STXBP4: variants seen among roughly 807,000 people sequenced by gnomAD.
STXBP4 encodes the protein syntaxin binding protein 4.
Under a neutral mutation model 76.1 loss-of-function variants are expected in STXBP4, and 55 were observed. That is an observed-to-expected ratio of 0.72 (90% CI 0.58 to 0.91). STXBP4 has a LOEUF of 0.91. Among genes scored for constraint, STXBP4 ranks in the 40% least tolerant of loss-of-function variants. The probability of loss-of-function intolerance (pLI) is 0.00; values close to 1 mark genes in which losing one functional copy is unlikely to be tolerated. For synonymous variants in STXBP4, 201 were observed against 220.2 expected, an observed-to-expected ratio of 0.91 and a Z score of 0.77; for missense variants, 618 against 636.9, an observed-to-expected ratio of 0.97 and a Z score of 0.32.
At chr17:55,091,965 A>G (rs1188336604) in intron 16 of STXBP4, among the ~76,000 whole-genome samples, 4 of 152,230 alleles carry the variant, frequency 2.6e-5, no homozygotes, top group Non-Finnish European at 5.9e-5. Flanking sequence ...AAAATCCAAA[A>G]TACTTCTGGT....
chr17:55,081,275 C>A, intron 16 of STXBP4, 92 bp downstream of exon 16: 2 of 1,043,054 alleles, frequency 1.9e-6, no homozygotes, highest in Non-Finnish European at 2.5e-6. Context: ...TAGTGGCTTG[C>A]CTACAGCAAA....
chr17:55,076,915 T>C (rs2079190434), intron 13 of STXBP4, among the ~76,000 whole-genome samples: 1 of 152,182 alleles, frequency 6.6e-6, no homozygotes, highest in African/African-American at 2.4e-5. Flanking sequence ...TATAATTGTA[T>C]CTAACTGGAT....
chr17:55,193,381 T>C, the STXBP4 span, among the ~76,000 whole-genome samples: 1 of 152,098 alleles, frequency 6.6e-6, no homozygotes, highest in Non-Finnish European at 1.5e-5. Context: ...GCAAAAAAGT[T>C]TGGGTGGTAG....
In STXBP4 at chr17:55,161,858, C is replaced by CT. The variant is rs2080339861; in HGVS notation, c.*1948dup. ...GTTTTAGAGAGTTAGTAATCTTTGCCTAAGGGTCACAAAGCACCTATGTGT... is the reference window on the plus strand; with the variant it reads ...GTTTTAGAGAGTTAGTAATCTTTGCCTTAAGGGTCACAAAGCACCTATGTGT... On this transcript the variant is annotated 3_prime_UTR_variant, in exon 18 of 18. Coordinates refer to ENST00000376352, the MANE Select transcript of STXBP4 (RefSeq NM_178509.6). 1 of 152,120 alleles carries CT rather than the reference C, an allele frequency of 6.6e-6. No homozygotes were observed. Among genetic ancestry groups the CT allele is most frequent in the Non-Finnish European group, 1.5e-5 (1 of 68,018 alleles). The allele number at this position is 152,120 out of a possible 1,614,324, so 9.4% of individuals were successfully genotyped here.
chr17:55,041,255 A>G (rs918335168), intron 10 of STXBP4, among the ~76,000 whole-genome samples: 31 of 137,376 alleles, frequency 2.3e-4, no homozygotes, highest in Admixed American at 1.3e-3. Context: ...TTTTTGAGAC[A>G]TGGTCTCACC....
chr17:55,143,561 T>A (rs2080117162), intron 17 of STXBP4, among the ~76,000 whole-genome samples: 1 of 152,198 alleles, frequency 6.6e-6, no homozygotes, highest in Non-Finnish European at 1.5e-5. Flanking sequence ...CCAGCTAGCT[T>A]AAGCCACTGT....
intron 7 of STXBP4, among the ~76,000 whole-genome samples, 188 bp downstream of exon 7, chr17:55,001,071 T>C (rs1175671433): frequency 6.6e-6 from 1 of 152,192 alleles, no homozygotes. Context: ...GATATTTCCC[T>C]GAACAAAGAG....
intron 12 of STXBP4, among the ~76,000 whole-genome samples, chr17:55,049,469 C>A (rs1323980830): frequency 6.6e-6 from 1 of 151,828 alleles, no homozygotes; most frequent in South Asian, 2.1e-4. Context: ...CAGAATACAT[C>A]ATTTTGTTAT....
At chr17:55,005,777 G>T (rs2077994875) in intron 7 of STXBP4, among the ~76,000 whole-genome samples, 1 of 152,126 alleles carries the variant, frequency 6.6e-6, no homozygotes. Flanking sequence ...CACCAAGCTG[G>T]AAGTCATTGA....
Position 55,163,867 on chromosome 17 carries a change from T to G in STXBP4, c.*3956T>G, listed in dbSNP as rs1041265964. On this transcript the variant is annotated 3_prime_UTR_variant, in exon 18 of 18. Transcript: ENST00000376352. ...AAAGGAACATGCCGTATGAAGAGCC[T>G]CTCCAATAATAAATGCAAAGCAGCT... The G allele has an allele frequency of 6.6e-6, 1 of 152,408 alleles. No individual in the cohort carries two copies. Among genetic ancestry groups the G allele is most frequent in the African/African-American group, 2.4e-5 (1 of 41,396 alleles). The allele number at this position is 152,408 out of a possible 1,614,324, so 9.4% of individuals were successfully genotyped here. A position where few individuals can be genotyped will look rare whatever the true frequency, so the allele number is the denominator to read the frequency against.
At chr17:55,020,650 T>C (rs1318290634) in intron 8 of STXBP4, among the ~76,000 whole-genome samples, 1 of 152,088 alleles carries the variant, frequency 6.6e-6, no homozygotes, top group African/African-American at 2.4e-5. Flanking sequence ...AAGCACTGTC[T>C]CTACTAAAAA....
intron 8 of STXBP4, among the ~76,000 whole-genome samples, chr17:55,022,949 A>G (rs1044977898): frequency 2.0e-5 from 3 of 152,188 alleles, no homozygotes; most frequent in African/African-American, 7.2e-5. Flanking sequence ...GAAAGTGACC[A>G]ATGTGTGTGT....
At chr17:55,124,837 G>T (rs2079890393) in intron 16 of STXBP4, among the ~76,000 whole-genome samples, 1 of 152,144 alleles carries the variant, frequency 6.6e-6, no homozygotes, top group South Asian at 2.1e-4. Flanking sequence ...TCTTCTCTTG[G>T]CTTGTAGGTG....
intron 17 of STXBP4, among the ~76,000 whole-genome samples, chr17:55,152,600 G>T (rs111885907): frequency 6.6e-6 from 1 of 152,146 alleles, no homozygotes; most frequent in Non-Finnish European, 1.5e-5. Context: ...AAGGCAGCAG[G>T]AGTGAGAAGT....
intron 11 of STXBP4, chr17:55,043,626 T>A (rs1294359364): frequency 6.5e-7 from 1 of 1,549,888 alleles, no homozygotes; most frequent in Admixed American, 2.0e-5. Flanking sequence ...CAGGGCAGAA[T>A]TAGATGAAGA....
In STXBP4 at chr17:54,983,494, G is replaced by A. The variant is rs548916055; in HGVS notation, c.-156-2120G>A. Among the ~76,000 whole-genome samples, 114 of 152,252 alleles carry A rather than the reference G, an allele frequency of 7.5e-4. 1 individual carries two copies. The highest frequency in any genetic ancestry group is 5.2e-3 in the South Asian group (25 of 4,826). On this transcript the variant is annotated intron_variant, in intron 1 of 17. Transcript: ENST00000376352. ...TGCTCAGTTTTTCACATCTGCTTTTGAGCAAGGTGTTACTATTCTTACCTT... is the reference window on the plus strand; with the variant it reads ...TGCTCAGTTTTTCACATCTGCTTTTAAGCAAGGTGTTACTATTCTTACCTT...
chr17:55,098,660 G>A (rs2079525753), intron 16 of STXBP4, among the ~76,000 whole-genome samples: 1 of 152,130 alleles, frequency 6.6e-6, no homozygotes, highest in Admixed American at 6.5e-5. Context: ...GGATTGAGAG[G>A]TCCAGTTCAT....
intron 16 of STXBP4, among the ~76,000 whole-genome samples, chr17:55,129,862 G>T (rs1188922336): frequency 1.3e-5 from 2 of 152,156 alleles, no homozygotes; most frequent in Non-Finnish European, 2.9e-5. Flanking sequence ...AGGTGCTGCT[G>T]TGAAGAGATT....
intron 16 of STXBP4, 51 bp from the exon 17 acceptor site, chr17:55,141,259 A>C (rs951034341): frequency 2.1e-6 from 3 of 1,460,868 alleles, no homozygotes; most frequent in Non-Finnish European, 2.9e-6. Context: ...CAGGAAATAA[A>C]GTTATCTTTA....
Sources: gnomAD v4.1 joint callset for allele counts (sites outside exome capture counted in the v4.1 genomes callset) on GRCh38, gnomAD v4.1.1 for gene constraint, MANE v1.5 for transcripts, NCBI Gene and HGNC (gene_info 2026-07-23, HGNC 2026-07-21) for gene names.